TMEM131L: variants seen among roughly 807,000 people sequenced by gnomAD.
The protein encoded by TMEM131L is transmembrane protein 131-like.
In TMEM131L, 54 loss-of-function variants were observed where a neutral mutation model predicts 192.2. That is an observed-to-expected ratio of 0.28 (90% CI 0.23 to 0.35). TMEM131L has a LOEUF of 0.35. Ranked by LOEUF, TMEM131L falls within the 10% of genes least tolerant of loss-of-function variation. The pLI, the probability that TMEM131L is intolerant of heterozygous loss-of-function variation, is 1.00. For synonymous variants in TMEM131L, 701 were observed against 704.9 expected, an observed-to-expected ratio of 0.99 and a Z score of 0.09; for missense variants, 1,888 against 1,972.9, an observed-to-expected ratio of 0.96 and a Z score of 0.82.
At chr4:153,499,573 C>T (rs1733440973) in intron 3 of TMEM131L, among the ~76,000 whole-genome samples, 1 of 151,972 alleles carries the variant, frequency 6.6e-6, no homozygotes, top group African/African-American at 2.4e-5. Flanking sequence ...ACTACAGGCA[C>T]GCGCCACCAT....
chr4:153,518,400 T>C (rs76639981), intron 3 of TMEM131L, among the ~76,000 whole-genome samples: 6,389 of 152,174 alleles, frequency 0.042, 484 homozygotes, highest in East Asian at 0.24. Flanking sequence ...GAAAAAAGAA[T>C]CAGAAGAGGC....
chr4:153,623,221 C>CT (rs1733581142), intron 29 of TMEM131L, 138 bp downstream of exon 29: 1 of 676,480 alleles, frequency 1.5e-6, no homozygotes, highest in Non-Finnish European at 2.3e-6. Context: ...TTGCTTTGGA[C>CT]TTACTCACTT....
Position 153,604,132 on chromosome 4 carries a change from T to C in TMEM131L, c.3120T>C (p.Asn1040=). Residue 1040 remains asparagine (N), a synonymous_variant, in exon 25 of 35, where the codon AAT becomes AAC. Transcript: ENST00000409959. Reference sequence around the variant, plus strand: ...GCCTCAGATATGCAAGTGGCATAAATGTCAACCTGCAGAAGAATTTAACCC... The same window carrying C: ...GCCTCAGATATGCAAGTGGCATAAACGTCAACCTGCAGAAGAATTTAACCC... ...WISLRYASGI[N]VNLQKNLTLP... 6.2e-7 allele frequency: 1 copy of C among 1,614,162 alleles called. No homozygotes were observed. Among genetic ancestry groups the C allele is most frequent in the Non-Finnish European group, 8.5e-7 (1 of 1,180,032 alleles).
chr4:153,542,559 G>A (rs1040768880), intron 3 of TMEM131L, among the ~76,000 whole-genome samples: 1 of 152,166 alleles, frequency 6.6e-6, no homozygotes, highest in Non-Finnish European at 1.5e-5. Flanking sequence ...AAAGTGCAAT[G>A]GATGATTATT....
chr4:153,532,225 G>A (rs1735950768), intron 3 of TMEM131L, among the ~76,000 whole-genome samples: 1 of 152,194 alleles, frequency 6.6e-6, no homozygotes, highest in Non-Finnish European at 1.5e-5. Flanking sequence ...TGGGAAATGT[G>A]GATGGTGCTA....
At chr4:153,562,157 C>T (rs1472061427) in intron 7 of TMEM131L, among the ~76,000 whole-genome samples, 1 of 151,892 alleles carries the variant, frequency 6.6e-6, no homozygotes, top group Non-Finnish European at 1.5e-5. Flanking sequence ...GCTGCCTCAG[C>T]CTCCTGAGTA....
intron 7 of TMEM131L, among the ~76,000 whole-genome samples, chr4:153,579,289 G>A (rs1369398445): frequency 2.0e-5 from 3 of 152,010 alleles, no homozygotes; most frequent in African/African-American, 7.2e-5. Flanking sequence ...AGCCAAGATT[G>A]CACTACCCGA....
At chr4:153,619,824 T>A (rs1380266364) in intron 26 of TMEM131L, among the ~76,000 whole-genome samples, 1 of 152,218 alleles carries the variant, frequency 6.6e-6, no homozygotes, top group Non-Finnish European at 1.5e-5. Flanking sequence ...TTCCATGAAG[T>A]GTGAATCCTT....
chr4:153,524,783 T>A (rs1055473243), intron 3 of TMEM131L, among the ~76,000 whole-genome samples: 2 of 152,228 alleles, frequency 1.3e-5, no homozygotes, highest in Admixed American at 6.5e-5. Context: ...ATGTTATGGG[T>A]TGAAGCCTGA....
At chr4:153,571,080 G>C (rs529773270) in intron 7 of TMEM131L, among the ~76,000 whole-genome samples, 18 of 151,240 alleles carry the variant, frequency 1.2e-4, no homozygotes, top group African/African-American at 4.4e-4. Flanking sequence ...TCTTTCTCTA[G>C]ATTTTTTTCG....
In TMEM131L at chr4:153,600,102, C is replaced by T. The variant is rs150265228; in HGVS notation, c.2266+1370C>T. ...ACTAGTTGCTGGGTGTGGTGGCTCA[C>T]GCCTATAATCCCAGCACTTTGGGAG... On this transcript the variant is annotated intron_variant, in intron 21 of 34. Coordinates refer to ENST00000409959, the MANE Select transcript of TMEM131L (RefSeq NM_001131007.2). Among the ~76,000 whole-genome samples the T allele has an allele frequency of 7.2e-3, 1,098 of 151,798 alleles. 6 individuals are homozygous for T. Among genetic ancestry groups the T allele is most frequent in the Non-Finnish European group, 0.011 (759 of 67,870 alleles).
intron 3 of TMEM131L, among the ~76,000 whole-genome samples, chr4:153,517,254 GC>G (rs1734800294): frequency 6.6e-6 from 1 of 152,160 alleles, no homozygotes. Context: ...TATTTGCTAT[GC>G]CTGGAGATCA....
intron 25 of TMEM131L, among the ~76,000 whole-genome samples, chr4:153,608,836 G>A (rs1186773852): frequency 6.6e-6 from 1 of 152,086 alleles, no homozygotes; most frequent in Non-Finnish European, 1.5e-5. Flanking sequence ...ATTTGTTTCT[G>A]TTTTTTAACC....
At chr4:153,467,726 A>G (rs1730864340) in intron 2 of TMEM131L, among the ~76,000 whole-genome samples, 1 of 152,244 alleles carries the variant, frequency 6.6e-6, no homozygotes, top group Admixed American at 6.5e-5. Context: ...AAGGATTGTC[A>G]TCTTGGATTT....
Position 153,586,367 on chromosome 4 carries a change from A to G in TMEM131L, c.1470A>G (p.Ser490=). The stretch of plus-strand genomic sequence containing the variant: ...TTGCAATACCTCTACAGATTTATTC[A>G]GCACCAACCAAGGTATTTTCTACAA... ...AIFAIPLQIY[S]APTKEGSLGF... Residue 490 remains serine (S), a synonymous_variant, in exon 14 of 35, where the codon TCA becomes TCG. Coordinates refer to ENST00000409959, the MANE Select transcript of TMEM131L (RefSeq NM_001131007.2). 6.3e-7 allele frequency: 1 copy of G among 1,597,300 alleles called. No homozygotes were observed. The highest frequency in any genetic ancestry group is 8.5e-7 in the Non-Finnish European group (1 of 1,174,396).
rs76482844 is a variant in TMEM131L, at chr4:153,507,591, G to A, written c.239+33703G>A. ...AGAGAATACAAAACAAAACAAAAAC[G>A]TAAGAACCTATCAAACCGTATTACC... On this transcript the variant is annotated intron_variant, in intron 3 of 34. Transcript: ENST00000409959. Among the ~76,000 whole-genome samples the A allele has an allele frequency of 3.3e-3, 505 of 152,262 alleles. 2 individuals carry two copies. Among genetic ancestry groups the A allele is most frequent in the African/African-American group, 0.011 (466 of 41,558 alleles).
intron 17 of TMEM131L, 58 bp from the exon 18 acceptor site, chr4:153,592,417 T>G: frequency 8.7e-7 from 1 of 1,151,760 alleles, no homozygotes; most frequent in Non-Finnish European, 1.3e-6. Flanking sequence ...GGCCAGAATA[T>G]CTCAGGAGGG....
Position 153,622,984 on chromosome 4 carries a change from G to A in TMEM131L, c.3946G>A (p.Val1316Met), listed in dbSNP as rs769545314. The A allele has an allele frequency of 1.5e-5, 25 of 1,614,066 alleles. No individual in the cohort carries two copies. Among genetic ancestry groups the A allele is most frequent in the Non-Finnish European group, 1.7e-5 (20 of 1,179,996 alleles). Residue 1316 changes from valine (V) to methionine (M), a missense_variant, in exon 29 of 35, where the codon GTG becomes ATG. Val to Met is a conservative substitution (Grantham distance 21). Transcript: ENST00000409959. ...SSDCGSSSGS[V>M]RASRGSWGSW... ...TGACTGTGGGAGCTCCTCTGGCAGC[G>A]TGCGTGCCAGCCGGGGCAGCTGGGG...
In TMEM131L at chr4:153,467,250, C is replaced by T. The variant is rs1561103002; in HGVS notation, c.164C>T (p.Ala55Val). ...PLPNVVELWQ[A>V]EEGELLLPTQ... is the part of the protein sequence containing the mutation. ...CCGAACGTGGTGGAGCTGTGGCAGG[C>T]AGAAGAAGGGGAACTCCTGCTGCCC... The change falls in exon 2 of 35, where the codon GCA (alanine) becomes GTA (valine). Residue 55 changes from alanine (A) to valine (V), a missense_variant. By Grantham distance (64) the Ala-to-Val change is moderately conservative. Transcript: ENST00000409959. The T allele has an allele frequency of 8.4e-6, 13 of 1,551,696 alleles. No homozygotes were observed. In the East Asian group the frequency reaches 3.2e-4, roughly 38 times the overall value.
Sources: allele counts gnomAD v4.1 joint callset (sites outside exome capture counted in the v4.1 genomes callset), GRCh38; gene constraint gnomAD v4.1.1; transcripts MANE v1.5; gene names NCBI Gene and HGNC (gene_info 2026-07-23, HGNC 2026-07-21).